PCDHA3: variants seen among roughly 807,000 people sequenced by gnomAD.
The protein encoded by PCDHA3 is protocadherin alpha-3.
A neutral mutation model predicts 62.2 loss-of-function variants in PCDHA3; 41 were observed. That is an observed-to-expected ratio of 0.66 (90% CI 0.51 to 0.86). The LOEUF is 0.86. PCDHA3 is among the 40% of genes least tolerant of loss of function. The pLI, the probability that PCDHA3 is intolerant of heterozygous loss-of-function variation, is 0.00. For synonymous variants in PCDHA3, 640 were observed against 555.4 expected (o/e 1.15, Z -2.14); for missense variants, 1,304 against 1,241.2 (o/e 1.05, Z -0.76).
intron 1 of PCDHA3, among the ~76,000 whole-genome samples, chr5:140,922,126 G>A (rs1206223275): frequency 1.3e-5 from 2 of 151,970 alleles, no homozygotes; most frequent in Non-Finnish European, 2.9e-5. Flanking sequence ...ACCTTTAAAT[G>A]TCTCTTATCC....
intron 1 of PCDHA3, chr5:140,862,870 G>T: frequency 1.8e-6 from 1 of 569,162 alleles, no homozygotes; most frequent in Non-Finnish European, 3.4e-6. Flanking sequence ...GACGCTGCCA[G>T]GTATTAGTGC....
Position 140,968,070 on chromosome 5 carries a change from A to G in PCDHA3, c.2395-10879A>G, listed in dbSNP as rs377189542. On this transcript the variant is annotated intron_variant, in intron 1 of 3. Transcript: ENST00000522353. The stretch of plus-strand genomic sequence containing the variant: ...CTGGACCGAGAGCGGGTGGCTGTCT[A>G]CAACATCACGGTGACAGCCACAGAT... 3.5e-5 allele frequency: 57 copies of G among 1,614,034 alleles called. No homozygotes were observed. The highest frequency in any genetic ancestry group is 1.6e-4 in the Middle Eastern group (1 of 6,082).
Position 140,823,885 on chromosome 5 carries a change from T to C in PCDHA3, c.2394+20294T>C, listed in dbSNP as rs2150130069. 6 of 1,613,980 alleles carry C rather than the reference T, an allele frequency of 3.7e-6. No individual in the cohort carries two copies. In the Admixed American group the frequency reaches 8.3e-5, roughly 22 times the overall value. The stretch of plus-strand genomic sequence containing the variant: ...CAACGTGTACCTGATCATCGCCATC[T>C]GTGCGGTGTCCAGCCTGCTGGTGCT... On this transcript the variant is annotated intron_variant, in intron 1 of 3. Transcript: ENST00000522353.
At chr5:140,883,519 C>T (rs1554178517) in intron 1 of PCDHA3, 12 of 1,614,190 alleles carry the variant, frequency 7.4e-6, no homozygotes, top group Non-Finnish European at 1.0e-5. Flanking sequence ...ACCGCGAGAG[C>T]GTATCAGCCT....
intron 1 of PCDHA3, chr5:140,876,137 T>G (rs782331817): frequency 1.2e-6 from 2 of 1,613,916 alleles, no homozygotes; most frequent in Non-Finnish European, 8.5e-7. Context: ...AAACCAGAAC[T>G]AACAGGGTCT....
chr5:140,821,614 G>A (rs1287439178), intron 1 of PCDHA3: 1 of 830,962 alleles, frequency 1.2e-6, no homozygotes, highest in Non-Finnish European at 1.8e-6. Context: ...ACAGTGAGTA[G>A]ATTTTCCTTA....
chr5:140,922,098 A>G (rs1193331436), intron 1 of PCDHA3, among the ~76,000 whole-genome samples: 2 of 152,176 alleles, frequency 1.3e-5, no homozygotes, highest in Non-Finnish European at 2.9e-5. Context: ...TCTACCAACT[A>G]TAGATAAATG....
chr5:140,907,558 A>G (rs2073449629), intron 1 of PCDHA3, among the ~76,000 whole-genome samples: 1 of 152,186 alleles, frequency 6.6e-6, no homozygotes, highest in Non-Finnish European at 1.5e-5. Flanking sequence ...GGTCCAATAT[A>G]ATCAACTTGC....
At chr5:140,926,155 T>TGCAGCAGGATCCAGCGCGGAAAGCCCC (rs1563077309) in intron 1 of PCDHA3, among the ~76,000 whole-genome samples, 3 of 152,076 alleles carry the variant, frequency 2.0e-5, no homozygotes, top group African/African-American at 4.8e-5. Context: ...CGGAAAGCTC[T>TGCAGCAGGATCCAGCGCGGAAAGCCCC]GCAGCAGGAT....
intron 1 of PCDHA3, chr5:140,809,214 C>T: frequency 1.2e-6 from 2 of 1,614,068 alleles, no homozygotes; most frequent in Non-Finnish European, 1.7e-6. Context: ...GGACAGGCGC[C>T]AAAGGCCTCC....
At chr5:140,913,288 T>C (rs1452332608) in intron 1 of PCDHA3, among the ~76,000 whole-genome samples, 1 of 152,172 alleles carries the variant, frequency 6.6e-6, no homozygotes, top group Non-Finnish European at 1.5e-5. Context: ...GTTTAGGTTT[T>C]AATTTCTTCA....
chr5:140,801,342 G>A lies in PCDHA3; in HGVS notation c.145G>A (p.Ala49Thr), dbSNP rs782257139. 1.9e-6 allele frequency: 3 copies of A among 1,613,280 alleles called. No individual in the cohort carries two copies. The highest frequency in any genetic ancestry group is 1.7e-5 in the Admixed American group (1 of 60,028). ...AKHGTFVGRI[A>T]QDLGLELAEL... is the part of the protein sequence containing the mutation. Reference sequence around the variant, plus strand: ...GCATGGCACCTTCGTGGGCCGCATCGCGCAGGACCTGGGGCTGGAGCTGGC... The same window carrying A: ...GCATGGCACCTTCGTGGGCCGCATCACGCAGGACCTGGGGCTGGAGCTGGC... The change falls in exon 1 of 4, where the codon GCG (alanine) becomes ACG (threonine). Residue 49 changes from alanine to threonine, a missense_variant. Ala to Thr is a moderately conservative substitution (Grantham distance 58). Coordinates refer to ENST00000522353, the MANE Select transcript of PCDHA3 (RefSeq NM_018906.3).
intron 1 of PCDHA3, chr5:140,883,148 A>G (rs1554176918): frequency 5.0e-6 from 8 of 1,614,078 alleles, no homozygotes; most frequent in Non-Finnish European, 6.8e-6. Context: ...ATATGCATTT[A>G]CCATAAATCC....
chr5:140,968,753 C>T (rs782591270), intron 1 of PCDHA3: 8 of 1,614,018 alleles, frequency 5.0e-6, no homozygotes, highest in Non-Finnish European at 6.8e-6. Flanking sequence ...CGTGGTGGTC[C>T]GAGATAATGG....
chr5:140,947,549 C>T (rs530708816), intron 1 of PCDHA3, among the ~76,000 whole-genome samples: 11 of 151,312 alleles, frequency 7.3e-5, no homozygotes, highest in Admixed American at 2.0e-4. Context: ...CAAAGAATTC[C>T]GCTGGGATTT....
chr5:140,887,537 C>T (rs530539711), intron 1 of PCDHA3, among the ~76,000 whole-genome samples: 5 of 152,250 alleles, frequency 3.3e-5, no homozygotes, highest in Admixed American at 1.3e-4. Context: ...TTCCTCTCCC[C>T]ACCCCTCATG....
chr5:140,804,231 C>T (rs1763360733), intron 1 of PCDHA3: 1 of 151,966 alleles, frequency 6.6e-6, no homozygotes, highest in African/African-American at 2.4e-5. Context: ...TTCTTGATTT[C>T]CCAGTTGGGA....
intron 1 of PCDHA3, chr5:140,928,771 A>C: frequency 6.2e-7 from 1 of 1,613,998 alleles, no homozygotes; most frequent in Non-Finnish European, 8.5e-7. Context: ...AGTTCTTCCC[A>C]CTGATGCAGT....
chr5:140,969,389 A>G (rs1554231753), intron 1 of PCDHA3: 8 of 1,592,478 alleles, frequency 5.0e-6, no homozygotes, highest in Admixed American at 1.8e-5. Context: ...ACATCCCCCA[A>G]TATCCTGTGA....
Sources: allele counts gnomAD v4.1 joint callset (sites outside exome capture counted in the v4.1 genomes callset), GRCh38; gene constraint gnomAD v4.1.1; transcripts MANE v1.5; gene names NCBI Gene and HGNC (gene_info 2026-07-23, HGNC 2026-07-21).